Variants in BRINP1 observed in about 807,000 individuals in gnomAD.
The protein encoded by BRINP1 is BMP/retinoic acid inducible neural specific 1.
In BRINP1, 17 loss-of-function variants were observed where a neutral mutation model predicts 72.9. That is an observed-to-expected ratio of 0.23 (90% CI 0.16 to 0.35). BRINP1 has a LOEUF of 0.35. Among genes scored for constraint, BRINP1 ranks in the 10% least tolerant of loss-of-function variants. The pLI is 1.00. For synonymous variants in BRINP1, 418 were observed against 378.5 expected (o/e 1.10, Z -1.21); for missense variants, 850 against 1,001.6 (o/e 0.85, Z 2.04).
At chr9:119,338,655 G>A (rs1239852542) in intron 1 of BRINP1, among the ~76,000 whole-genome samples, 1 of 149,612 alleles carries the variant, frequency 6.7e-6, no homozygotes, top group East Asian at 2.0e-4. Context: ...GGCGGATCAC[G>A]AGGTCAGAAG....
chr9:119,306,682 G>A (rs1303379905), intron 2 of BRINP1, among the ~76,000 whole-genome samples: 1 of 152,192 alleles, frequency 6.6e-6, no homozygotes, highest in Non-Finnish European at 1.5e-5. Context: ...GAATACTGTA[G>A]TCAGAGTCAA....
At chr9:119,195,702 C>A (rs57394598) in intron 7 of BRINP1, among the ~76,000 whole-genome samples, 309 of 152,312 alleles carry the variant, frequency 2.0e-3, no homozygotes, top group African/African-American at 7.2e-3. Flanking sequence ...CACCTCTCAG[C>A]AGGGGTGGTA....
rs977394582 is a variant in BRINP1, at chr9:119,190,334, G to T, written c.1145+18385C>A. Among the ~76,000 whole-genome samples the T allele has an allele frequency of 1.9e-4, 28 of 148,758 alleles. 1 individual carries two copies. The highest frequency in any genetic ancestry group is 4.7e-4 in the Admixed American group (7 of 14,986). ...AATAAATCAAATACAGAACACAAAA[G>T]TCATGGAAAAAAAATCAATAAACCC... On this transcript the variant is annotated intron_variant, in intron 7 of 7. Coordinates refer to ENST00000265922, the MANE Select transcript of BRINP1 (RefSeq NM_014618.3).
chr9:119,312,991 A>G, intron 2 of BRINP1, 147 bp downstream of exon 2: 1 of 881,090 alleles, frequency 1.1e-6, no homozygotes, highest in Non-Finnish European at 1.7e-6. Context: ...GCAAAGAAAA[A>G]AAAAATTAAT....
At chr9:119,184,312 T>C (rs979573006) in intron 7 of BRINP1, among the ~76,000 whole-genome samples, 1 of 152,144 alleles carries the variant, frequency 6.6e-6, no homozygotes. Context: ...CTCACCTAGA[T>C]TGTACACCCT....
intron 7 of BRINP1, among the ~76,000 whole-genome samples, chr9:119,183,044 T>C (rs1297225388): frequency 1.3e-5 from 2 of 152,182 alleles, no homozygotes; most frequent in Admixed American, 6.5e-5. Flanking sequence ...TGTGGAACAA[T>C]TGAAACTCTC....
chr9:119,313,452 AAGAG>A (rs1831090564), intron 1 of BRINP1, 47 bp from the exon 2 acceptor site: 1 of 1,466,586 alleles, frequency 6.8e-7, no homozygotes, highest in Non-Finnish European at 9.0e-7. Context: ...GAGAAACCAA[AAGAG>A]AGAGAGGAGA....
At chr9:119,263,030 A>G (rs888869225) in intron 2 of BRINP1, among the ~76,000 whole-genome samples, 1 of 152,218 alleles carries the variant, frequency 6.6e-6, no homozygotes, top group Non-Finnish European at 1.5e-5. Context: ...TAAACTACAT[A>G]TAAGTAGAAC....
intron 2 of BRINP1, among the ~76,000 whole-genome samples, chr9:119,291,781 T>A (rs897402046): frequency 1.1e-4 from 16 of 152,248 alleles, no homozygotes; most frequent in Non-Finnish European, 2.4e-4. Context: ...AGGTGGGTGG[T>A]ACTCAGCAAA....
intron 2 of BRINP1, among the ~76,000 whole-genome samples, chr9:119,259,667 AT>A (rs1347536747): frequency 6.6e-6 from 1 of 152,166 alleles, no homozygotes; most frequent in Admixed American, 6.5e-5. Flanking sequence ...AATTATATGA[AT>A]TTTTTCCTTT....
At chr9:119,285,720 T>A (rs749312192) in intron 2 of BRINP1, among the ~76,000 whole-genome samples, 2 of 152,186 alleles carry the variant, frequency 1.3e-5, no homozygotes, top group Non-Finnish European at 2.9e-5. Context: ...TCCCTCCTCA[T>A]CTAACTATCC....
chr9:119,356,853 T>C (rs987310103), intron 1 of BRINP1, among the ~76,000 whole-genome samples: 2 of 152,158 alleles, frequency 1.3e-5, no homozygotes, highest in Middle Eastern at 3.2e-3. Flanking sequence ...AAAGTCATAT[T>C]TCATAAAAGG....
At chr9:119,173,603 G>A (rs1185605823) in intron 7 of BRINP1, among the ~76,000 whole-genome samples, 2 of 151,678 alleles carry the variant, frequency 1.3e-5, no homozygotes, top group Admixed American at 6.6e-5. Flanking sequence ...TCCCCATCAA[G>A]CTACCAATGA....
At chr9:119,341,462 G>A (rs186727842) in intron 1 of BRINP1, among the ~76,000 whole-genome samples, 1 of 152,272 alleles carries the variant, frequency 6.6e-6, no homozygotes, top group Admixed American at 6.5e-5. Context: ...GTTTAGGATG[G>A]TGTGTAAAGG....
chr9:119,231,194 AATCAAGAAATAAAG>A (rs2118897887), intron 5 of BRINP1, among the ~76,000 whole-genome samples: 1 of 152,228 alleles, frequency 6.6e-6, no homozygotes, highest in African/African-American at 2.4e-5. Flanking sequence ...TATGATAGGC[AATCAAGAAATAAAG>A]ATCAAGAAAA....
chr9:119,224,233 A>G (rs2118888672), intron 5 of BRINP1, among the ~76,000 whole-genome samples: 1 of 152,222 alleles, frequency 6.6e-6, no homozygotes, highest in Admixed American at 6.5e-5. Flanking sequence ...CATATGCACG[A>G]GTTTGCATAG....
Position 119,325,048 on chromosome 9 carries a change from TG to T in BRINP1, c.-50-11644del, listed in dbSNP as rs1247006339. Among the ~76,000 whole-genome samples the T allele has an allele frequency of 4.6e-5, 7 of 150,796 alleles. No homozygotes were observed. The East Asian group carries it at 1.4e-3, about 29-fold the overall frequency. On this transcript the variant is annotated intron_variant, in intron 1 of 7. Coordinates refer to ENST00000265922, the MANE Select transcript of BRINP1 (RefSeq NM_014618.3). Reference sequence around the variant, plus strand: ...CAGGGAGGCGAAAGTTGTAGTGAGCTGAGATCACGCCATTGCACTCCAGCCT... The same window carrying T: ...CAGGGAGGCGAAAGTTGTAGTGAGCTAGATCACGCCATTGCACTCCAGCCT...
chr9:119,193,315 G>A (rs986740245), intron 7 of BRINP1, among the ~76,000 whole-genome samples: 2 of 151,724 alleles, frequency 1.3e-5, no homozygotes, highest in African/African-American at 4.8e-5. Context: ...AAATAATCCA[G>A]ACACGGAAAT....
intron 2 of BRINP1, among the ~76,000 whole-genome samples, chr9:119,257,957 G>C (rs541164090): frequency 6.6e-6 from 1 of 152,154 alleles, no homozygotes; most frequent in African/African-American, 2.4e-5. Flanking sequence ...GGGCATTTTG[G>C]CTCCAGAGGG....
Sources: allele counts gnomAD v4.1 joint callset (sites outside exome capture counted in the v4.1 genomes callset), GRCh38; gene constraint gnomAD v4.1.1; transcripts MANE v1.5; gene names NCBI Gene and HGNC (gene_info 2026-07-23, HGNC 2026-07-21).